KIAA0586: variants seen among roughly 807,000 people sequenced by gnomAD.
KIAA0586 encodes the protein protein TALPID3.
Under a neutral mutation model 169.8 loss-of-function variants are expected in KIAA0586, and 144 were observed. That is an observed-to-expected ratio of 0.85 (90% CI 0.74 to 0.97). The LOEUF is 0.97. Among genes scored for constraint, KIAA0586 ranks in the 50% least tolerant of loss-of-function variants. KIAA0586 has a pLI of 0.00. For missense variants in KIAA0586, 1,854 were observed against 1,823.0 expected, an observed-to-expected ratio of 1.02 and a Z score of -0.31; for synonymous variants, 625 against 612.4, an observed-to-expected ratio of 1.02 and a Z score of -0.30.
Position 58,547,876 on chromosome 14 carries a change from CTG to C in KIAA0586, c.4592_4593del (p.Leu1531GlnfsTer33), listed in dbSNP as rs1486491736. ...SVNLEDCSQS[L>X]SLSTMQEDME... ...GAACCTCGAGGACTGCTCTCAGTCT[CTG>C]AGTCTCAGCACAATGCAGGAGGACA... On this transcript the variant is annotated frameshift_variant, in exon 31 of 31. Transcript: ENST00000652326. LOFTEE classifies it high-confidence loss of function. 2.2e-5 allele frequency: 35 copies of C among 1,613,646 alleles called. No individual in the cohort carries two copies. The highest frequency in any genetic ancestry group is 3.0e-5 in the Non-Finnish European group (35 of 1,179,768).
chr14:58,477,087 G>T, intron 19 of KIAA0586, 36 bp from the exon 20 acceptor site: 1 of 1,125,874 alleles, frequency 8.9e-7, no homozygotes, highest in South Asian at 1.4e-5. Flanking sequence ...TCAAATTGAG[G>T]AATCTTAACT....
chr14:58,454,112 C>T (rs1595162580), intron 9 of KIAA0586, among the ~76,000 whole-genome samples: 1 of 152,126 alleles, frequency 6.6e-6, no homozygotes, highest in African/African-American at 2.4e-5. Flanking sequence ...CTGTTCCTCC[C>T]TTAGTGCCTT....
intron 29 of KIAA0586, among the ~76,000 whole-genome samples, chr14:58,539,386 A>G (rs1369611757): frequency 6.6e-6 from 1 of 152,182 alleles, no homozygotes; most frequent in East Asian, 1.9e-4. Context: ...GAAATAAGTT[A>G]TAGAAGGTTG....
chr14:58,503,549 C>A (rs1001847601), intron 27 of KIAA0586, among the ~76,000 whole-genome samples: 1 of 151,978 alleles, frequency 6.6e-6, no homozygotes, highest in African/African-American at 2.4e-5. Flanking sequence ...TTGGTAAGGC[C>A]CTGTTCACAA....
At chr14:58,497,870 A>ATTTTTTT (rs557927775) in intron 26 of KIAA0586, among the ~76,000 whole-genome samples, 2 of 95,248 alleles carry the variant, frequency 2.1e-5, no homozygotes, top group Admixed American at 2.2e-4. Context: ...AGTGGTTTTG[A>ATTTTTTT]TTTTTTTTTT....
chr14:58,445,126 TACACACAC>T (rs140476366), intron 6 of KIAA0586, among the ~76,000 whole-genome samples: 2 of 144,242 alleles, frequency 1.4e-5, no homozygotes, highest in South Asian at 2.2e-4. Flanking sequence ...CACACATACA[TACACACAC>T]ACACACACAC....
intron 23 of KIAA0586, 125 bp downstream of exon 23, chr14:58,488,234 GA>G (rs1431399673): frequency 1.3e-6 from 1 of 786,352 alleles, no homozygotes; most frequent in Non-Finnish European, 1.9e-6. Context: ...TACTTTGAAA[GA>G]AAGAACTTTC....
intron 24 of KIAA0586, among the ~76,000 whole-genome samples, chr14:58,489,656 A>C (rs113678751): frequency 5.9e-5 from 9 of 152,152 alleles, no homozygotes; most frequent in Admixed American, 5.9e-4. Flanking sequence ...ATTGTTTTCA[A>C]TGCTTTCAGT....
chr14:58,482,697 T>C lies in KIAA0586; in HGVS notation c.3129T>C (p.Asn1043=), dbSNP rs371456681. 6.4e-7 allele frequency: 1 copy of C among 1,565,842 alleles called. No homozygotes were observed. The highest frequency in any genetic ancestry group is 1.4e-5 in the African/African-American group (1 of 72,342). Residue 1043 remains asparagine (N), a synonymous_variant, in exon 21 of 31, where the codon AAT becomes AAC. Coordinates refer to ENST00000652326, the MANE Select transcript of KIAA0586 (RefSeq NM_001329943.3). ...GTGTTTCTGGGGATGCTTCAACAAA[T>C]GAAACATATTTGCCGGTATGGGGAA... The part of the protein sequence containing the change: ...ATGVSGDAST[N]ETYLPARVCT...
At chr14:58,501,352 AATGTGACTTAC>A (rs995242787) in intron 27 of KIAA0586, among the ~76,000 whole-genome samples, 8 of 152,208 alleles carry the variant, frequency 5.3e-5, no homozygotes, top group African/African-American at 1.9e-4. Context: ...AATGGCATGA[AATGTGACTTAC>A]ATTTATGTCC....
At chr14:58,492,965 A>G (rs1366256799) in intron 26 of KIAA0586, among the ~76,000 whole-genome samples, 3 of 152,228 alleles carry the variant, frequency 2.0e-5, no homozygotes, top group Non-Finnish European at 4.4e-5. Flanking sequence ...GATGATCATA[A>G]AGAACATTTT....
At chr14:58,458,150 G>A (rs2040030202) in intron 11 of KIAA0586, among the ~76,000 whole-genome samples, 171 bp downstream of exon 11, 1 of 152,074 alleles carries the variant, frequency 6.6e-6, no homozygotes, top group South Asian at 2.1e-4. Context: ...TATATATATG[G>A]TGGTACTACT....
At chr14:58,557,603 G>A in the KIAA0586 span, among the ~76,000 whole-genome samples, 93 of 152,226 alleles carry the variant, frequency 6.1e-4, no homozygotes, top group African/African-American at 2.0e-3. Flanking sequence ...TAGACTACTG[G>A]TGTGAAGCTT....
intron 8 of KIAA0586, 103 bp downstream of exon 8, chr14:58,450,849 C>T: frequency 1.5e-6 from 1 of 651,758 alleles, no homozygotes; most frequent in Non-Finnish European, 2.6e-6. Flanking sequence ...TAATATTTTA[C>T]TTTAAATGAC....
chr14:58,453,539 T>G, intron 9 of KIAA0586, 66 bp downstream of exon 9: 1 of 1,144,982 alleles, frequency 8.7e-7, no homozygotes, highest in Non-Finnish European at 1.2e-6. Flanking sequence ...TTCAAATTTC[T>G]TTGGGACTTT....
Position 58,507,056 on chromosome 14 carries a change from A to G in KIAA0586, c.4169-1499A>G, listed in dbSNP as rs140521606. Among the ~76,000 whole-genome samples the G allele has an allele frequency of 1.4e-4, 22 of 151,822 alleles. No homozygotes were observed. In the East Asian group the frequency reaches 3.9e-3, roughly 27 times the overall value. The stretch of plus-strand genomic sequence containing the variant: ...CCAGCTACTCAGGATGCTGAGGTAG[A>G]AGAATCACCTGAGCCTGGGAAGTCA... On this transcript the variant is annotated intron_variant, in intron 27 of 30. Transcript: ENST00000652326.
chr14:58,478,286 C>T (rs1180933224), intron 20 of KIAA0586, among the ~76,000 whole-genome samples: 1 of 152,182 alleles, frequency 6.6e-6, no homozygotes, highest in Admixed American at 6.5e-5. Flanking sequence ...AGTTTGAGAT[C>T]GTCCTGGCCA....
Position 58,493,805 on chromosome 14 carries a change from C to T in KIAA0586, c.3990+1530C>T, listed in dbSNP as rs1015465294. Among the ~76,000 whole-genome samples, 8 of 151,154 alleles carry T rather than the reference C, an allele frequency of 5.3e-5. No individual in the cohort carries two copies. The East Asian group carries it at 7.8e-4, about 15-fold the overall frequency. ...CTGCAGAAATTAAGATGATTAGTAT[C>T]GAAACCATTAAGCTGAGAGAGAGAA... On this transcript the variant is annotated intron_variant, in intron 26 of 30. Transcript: ENST00000652326.
At chr14:58,537,992 T>A (rs1262989959) in intron 29 of KIAA0586, among the ~76,000 whole-genome samples, 3 of 152,060 alleles carry the variant, frequency 2.0e-5, no homozygotes, top group Non-Finnish European at 2.9e-5. Flanking sequence ...TAAAATTGTA[T>A]CACAGTTGAG....
Sources: gnomAD v4.1 joint callset for allele counts (sites outside exome capture counted in the v4.1 genomes callset) on GRCh38, gnomAD v4.1.1 for gene constraint, MANE v1.5 for transcripts, NCBI Gene and HGNC (gene_info 2026-07-23, HGNC 2026-07-21) for gene names.